The following RAB2A variants were observed in gnomAD, a reference collection of about 807,000 sequenced individuals.
RAB2A encodes RAB2A, member RAS oncogene family, also known as ras-related protein Rab-2A.
RAB2A carries 7 observed loss-of-function variants against 32.5 expected under a neutral mutation model. The ratio of observed to expected loss-of-function variants is 0.22; its 90% confidence interval spans 0.12 to 0.40. The LOEUF (loss-of-function observed/expected upper bound fraction) is 0.40. RAB2A is among the 10% of genes least tolerant of loss of function. RAB2A has a pLI of 1.00. For synonymous variants in RAB2A, 79 were observed against 85.2 expected, an observed-to-expected ratio of 0.93 and a Z score of 0.40; for missense variants, 108 against 260.7, an observed-to-expected ratio of 0.41 and a Z score of 4.03.
At chr8:60,609,612 G>C (rs1178015632) in intron 6 of RAB2A, among the ~76,000 whole-genome samples, 2 of 152,036 alleles carry the variant, frequency 1.3e-5, no homozygotes, top group African/African-American at 4.8e-5. Context: ...GTTACATGTA[G>C]GTAGAATTCT....
chr8:60,527,735 AT>A (rs923663470), intron 1 of RAB2A, among the ~76,000 whole-genome samples: 14 of 150,536 alleles, frequency 9.3e-5, no homozygotes, highest in African/African-American at 2.2e-4. Context: ...AGTATCCATT[AT>A]TTTTTTTTTG....
At chr8:60,571,794 C>G (rs1334956406) in intron 2 of RAB2A, among the ~76,000 whole-genome samples, 2 of 151,820 alleles carry the variant, frequency 1.3e-5, no homozygotes, top group Non-Finnish European at 2.9e-5. Flanking sequence ...ACATGAAGAC[C>G]ACAGTTGGTT....
chr8:60,585,848 C>A (rs962155363), intron 5 of RAB2A, among the ~76,000 whole-genome samples: 1 of 152,172 alleles, frequency 6.6e-6, no homozygotes, highest in Non-Finnish European at 1.5e-5. Flanking sequence ...CAAAACTGAA[C>A]AGTATTCACA....
intron 6 of RAB2A, among the ~76,000 whole-genome samples, chr8:60,598,969 AAAGGCATACAACTAAGAAAGG>A (rs1804082574): frequency 6.9e-6 from 1 of 145,482 alleles, no homozygotes. Context: ...AAAAAAAAGA[AAAGGCATACAACTAAGAAAGG>A]AAGAAATAAA....
At chr8:60,519,465 A>G (rs927782421) in intron 1 of RAB2A, among the ~76,000 whole-genome samples, 1 of 152,176 alleles carries the variant, frequency 6.6e-6, no homozygotes, top group Non-Finnish European at 1.5e-5. Flanking sequence ...CAGTCCTTCA[A>G]AGTCTTATCT....
At chr8:60,560,748 G>GTT (rs56360493) in intron 2 of RAB2A, among the ~76,000 whole-genome samples, 117 of 144,386 alleles carry the variant, frequency 8.1e-4, no homozygotes, top group South Asian at 1.1e-3. Context: ...TTTGTTTTTT[G>GTT]TTTTTTTTTT....
intron 6 of RAB2A, among the ~76,000 whole-genome samples, chr8:60,607,623 T>C (rs547893256): frequency 1.3e-5 from 2 of 152,188 alleles, no homozygotes; most frequent in South Asian, 2.1e-4. Context: ...AATACTAATG[T>C]ACACTTAAGA....
At chr8:60,550,212 A>G (rs534063524) in intron 1 of RAB2A, among the ~76,000 whole-genome samples, 95 of 152,286 alleles carry the variant, frequency 6.2e-4, no homozygotes, top group African/African-American at 2.3e-3. Context: ...TGATCAGGCA[A>G]AACATTGGAT....
intron 1 of RAB2A, among the ~76,000 whole-genome samples, chr8:60,536,172 T>C (rs16926270): frequency 0.12 from 18,667 of 152,246 alleles, 1,543 homozygotes; most frequent in East Asian, 0.26. Flanking sequence ...GACTTTGGTA[T>C]ATATTTCAGG....
intron 1 of RAB2A, among the ~76,000 whole-genome samples, chr8:60,535,108 G>A (rs1292815605): frequency 6.6e-6 from 1 of 152,112 alleles, no homozygotes; most frequent in Admixed American, 6.5e-5. Flanking sequence ...TTTAGACACA[G>A]GTAGGAGAAA....
At chr8:60,520,188 G>T (rs987030421) in intron 1 of RAB2A, among the ~76,000 whole-genome samples, 1 of 152,164 alleles carries the variant, frequency 6.6e-6, no homozygotes, top group South Asian at 2.1e-4. Context: ...TTCCTTTTCA[G>T]AATTCCCTCT....
chr8:60,610,684 A>G (rs1654432359), intron 6 of RAB2A, among the ~76,000 whole-genome samples: 1 of 152,188 alleles, frequency 6.6e-6, no homozygotes, highest in Admixed American at 6.5e-5. Context: ...TAATTTGGCC[A>G]TCATCCCCGG....
intron 1 of RAB2A, among the ~76,000 whole-genome samples, chr8:60,545,164 C>T (rs1289096784): frequency 6.6e-6 from 1 of 152,150 alleles, no homozygotes; most frequent in African/African-American, 2.4e-5. Flanking sequence ...GGAAAATGAA[C>T]TCCAGTAGAA....
At chr8:60,566,592 T>C (rs534475656) in intron 2 of RAB2A, among the ~76,000 whole-genome samples, 4 of 152,198 alleles carry the variant, frequency 2.6e-5, no homozygotes, top group Non-Finnish European at 4.4e-5. Context: ...TATGTGGTCA[T>C]GTATATCATT....
chr8:60,602,663 T>C (rs1414240799), intron 6 of RAB2A, among the ~76,000 whole-genome samples: 1 of 152,156 alleles, frequency 6.6e-6, no homozygotes, highest in African/African-American at 2.4e-5. Context: ...GTCTCAGAGA[T>C]TTAAGCAAGA....
At chr8:60,529,200 G>A (rs1039661652) in intron 1 of RAB2A, among the ~76,000 whole-genome samples, 1 of 152,034 alleles carries the variant, frequency 6.6e-6, no homozygotes, top group Non-Finnish European at 1.5e-5. Flanking sequence ...TTCAGTGTGT[G>A]AGACTAATTT....
rs542937510 is a variant in RAB2A, at chr8:60,621,514, C to T, written c.*745C>T. 2.6e-5 allele frequency: 4 copies of T among 152,174 alleles called. No individual in the cohort carries two copies. The highest frequency in any genetic ancestry group is 3.9e-4 in the East Asian group (2 of 5,186). 9.4% of individuals were successfully genotyped at this position (152,174 alleles called of 1,614,324 possible). ...TTTGTCCACAATTTCCTTAAGACCTCTTCAGAAAGGGATTTGTTTGCCTTA... is the reference window on the plus strand; with the variant it reads ...TTTGTCCACAATTTCCTTAAGACCTTTTCAGAAAGGGATTTGTTTGCCTTA... On this transcript the variant is annotated 3_prime_UTR_variant, in exon 8 of 8. Coordinates refer to ENST00000262646, the MANE Select transcript of RAB2A (RefSeq NM_002865.3).
chr8:60,548,774 C>T (rs1328106738), intron 1 of RAB2A, among the ~76,000 whole-genome samples: 2 of 137,792 alleles, frequency 1.5e-5, no homozygotes, highest in Admixed American at 1.4e-4. Flanking sequence ...GGGGGCTGAT[C>T]CCCCCACCTC....
At chr8:60,565,110 C>T (rs561783492) in intron 2 of RAB2A, among the ~76,000 whole-genome samples, 9 of 152,294 alleles carry the variant, frequency 5.9e-5, no homozygotes, top group African/African-American at 1.9e-4. Context: ...CTATCTCTCC[C>T]ACTTCCTTAA....
Sources: allele counts gnomAD v4.1 joint callset (sites outside exome capture counted in the v4.1 genomes callset), GRCh38; gene constraint gnomAD v4.1.1; transcripts MANE v1.5; gene names NCBI Gene and HGNC (gene_info 2026-07-23, HGNC 2026-07-21).